SCARA5: variants seen among roughly 807,000 people sequenced by gnomAD.
The protein encoded by SCARA5 is scavenger receptor class A, member 5 (putative).
Under a neutral mutation model 46.3 loss-of-function variants are expected in SCARA5, and 45 were observed. The ratio of observed to expected loss-of-function variants is 0.97; its 90% CI spans 0.76 to 1.24. SCARA5 has a LOEUF of 1.24. SCARA5 is among the 50% of genes most tolerant of loss of function. The pLI, the probability that SCARA5 is intolerant of heterozygous loss-of-function variation, is 0.00. For missense variants in SCARA5, 680 were observed against 689.0 expected, an observed-to-expected ratio of 0.99 and a Z score of 0.15; for synonymous variants, 333 against 306.5, an observed-to-expected ratio of 1.09 and a Z score of -0.90.
intron 7 of SCARA5, among the ~76,000 whole-genome samples, chr8:27,884,964 G>A (rs1806870232): frequency 6.6e-6 from 1 of 152,138 alleles, no homozygotes; most frequent in East Asian, 1.9e-4. Context: ...GTGAGGGCAG[G>A]CGCCATCTTG....
intron 1 of SCARA5, among the ~76,000 whole-genome samples, chr8:27,990,565 G>C (rs1295010986): frequency 6.6e-6 from 1 of 152,194 alleles, no homozygotes; most frequent in Non-Finnish European, 1.5e-5. Flanking sequence ...ATGGATATCA[G>C]AGCGGGAAGA....
intron 3 of SCARA5, among the ~76,000 whole-genome samples, chr8:27,958,433 T>G (rs1036271405): frequency 1.3e-5 from 2 of 152,088 alleles, no homozygotes; most frequent in East Asian, 3.9e-4. Flanking sequence ...GCAGTCTGAG[T>G]CTAAGGAAGA....
intron 4 of SCARA5, among the ~76,000 whole-genome samples, chr8:27,920,404 G>A (rs571195080): frequency 6.6e-6 from 1 of 152,194 alleles, no homozygotes; most frequent in Admixed American, 6.5e-5. Context: ...CCTGAGGTCA[G>A]GAGTTCGAGA....
chr8:27,946,398 C>A (rs1179625259), intron 3 of SCARA5, among the ~76,000 whole-genome samples: 1 of 152,220 alleles, frequency 6.6e-6, no homozygotes, highest in Middle Eastern at 3.2e-3. Flanking sequence ...CACAGAAAAT[C>A]CTCAGATGCT....
chr8:27,898,081 G>A (rs916091995), intron 7 of SCARA5, among the ~76,000 whole-genome samples: 1 of 152,204 alleles, frequency 6.6e-6, no homozygotes, highest in African/African-American at 2.4e-5. Flanking sequence ...GTAATACAAC[G>A]AGCTCAGCTG....
chr8:27,952,056 A>AAAC (rs33969046), intron 3 of SCARA5, among the ~76,000 whole-genome samples: 148,457 of 152,080 alleles, frequency 0.98, 72,493 homozygotes, highest in East Asian at 1. Context: ...TGGGTTGGGG[A>AAAC]CCAATATGAT....
chr8:27,895,403 G>C (rs1663684647), intron 7 of SCARA5, among the ~76,000 whole-genome samples: 1 of 152,252 alleles, frequency 6.6e-6, no homozygotes, highest in Admixed American at 6.5e-5. Context: ...AGAACTTTCT[G>C]ATCAGGCTGT....
intron 2 of SCARA5, among the ~76,000 whole-genome samples, chr8:27,970,785 C>T (rs1023755314): frequency 6.6e-6 from 1 of 152,118 alleles, no homozygotes; most frequent in African/African-American, 2.4e-5. Context: ...AAGCCTGAGC[C>T]AGGACTACTC....
chr8:27,968,622 G>C (rs559809075), intron 2 of SCARA5, among the ~76,000 whole-genome samples: 19 of 152,276 alleles, frequency 1.2e-4, no homozygotes, highest in African/African-American at 4.6e-4. Flanking sequence ...GTATAGCATT[G>C]AATAATATTA....
intron 3 of SCARA5, among the ~76,000 whole-genome samples, chr8:27,953,970 G>T (rs1256141563): frequency 6.6e-6 from 1 of 152,188 alleles, no homozygotes; most frequent in Non-Finnish European, 1.5e-5. Flanking sequence ...AAGGATTCCT[G>T]GGGGATTGGA....
At chr8:27,978,187 C>G (rs1052882857) in intron 2 of SCARA5, among the ~76,000 whole-genome samples, 1 of 132,222 alleles carries the variant, frequency 7.6e-6, no homozygotes, top group African/African-American at 2.8e-5. Context: ...CCACCACATC[C>G]GGCTAATTTT....
In SCARA5 at chr8:27,989,103, C is replaced by CT. The variant is rs1156373975; in HGVS notation, c.-15-1474dup. ...ACAAGAATTCCGTATTTTCTTTCTT[C>CT]TTTTTTTTTTTCTGTTTCTTTCTTT... On this transcript the variant is annotated intron_variant, in intron 1 of 8. Coordinates refer to ENST00000354914, the MANE Select transcript of SCARA5 (RefSeq NM_173833.6). Among the ~76,000 whole-genome samples, 714 of 101,708 alleles carry CT rather than the reference C, an allele frequency of 7.0e-3. 2 individuals carry two copies. Among genetic ancestry groups the CT allele is most frequent in the African/African-American group, 8.0e-3 (225 of 28,100 alleles). 66.7% of individuals were successfully genotyped at this position (101,708 alleles called of 152,430 possible).
chr8:27,969,187 G>C (rs917849087), intron 2 of SCARA5, among the ~76,000 whole-genome samples: 8 of 152,106 alleles, frequency 5.3e-5, no homozygotes, highest in African/African-American at 1.9e-4. Context: ...TTTTTTCCAA[G>C]TGGCAGAAGC....
At chr8:27,937,904 A>G (rs1197004133) in intron 3 of SCARA5, among the ~76,000 whole-genome samples, 1 of 151,932 alleles carries the variant, frequency 6.6e-6, no homozygotes, top group East Asian at 1.9e-4. Context: ...TCACTTAGTC[A>G]CCTCTTTAAA....
At chr8:27,894,860 T>C (rs1475655178) in intron 7 of SCARA5, among the ~76,000 whole-genome samples, 3 of 152,192 alleles carry the variant, frequency 2.0e-5, no homozygotes, top group Non-Finnish European at 4.4e-5. Flanking sequence ...GCCTGCACGT[T>C]CCAGTGCTCA....
intron 2 of SCARA5, among the ~76,000 whole-genome samples, chr8:27,978,193 A>AC (rs1808557739): frequency 7.2e-6 from 1 of 137,946 alleles, no homozygotes; most frequent in African/African-American, 2.7e-5. Context: ...CATCCGGCTA[A>AC]TTTTTTTTTT....
chr8:27,978,585 C>T (rs1251226000), intron 2 of SCARA5, among the ~76,000 whole-genome samples: 2 of 152,022 alleles, frequency 1.3e-5, no homozygotes, highest in Non-Finnish European at 2.9e-5. Flanking sequence ...GATCACAGCT[C>T]ACTGCAGCCT....
chr8:27,888,682 T>C (rs1585465738), intron 7 of SCARA5, among the ~76,000 whole-genome samples: 1 of 152,346 alleles, frequency 6.6e-6, no homozygotes, highest in East Asian at 1.9e-4. Context: ...GGCTTTACCA[T>C]GCCAGGCAAG....
intron 7 of SCARA5, among the ~76,000 whole-genome samples, chr8:27,894,850 G>A (rs1190999056): frequency 6.6e-6 from 1 of 152,214 alleles, no homozygotes; most frequent in East Asian, 1.9e-4. Flanking sequence ...CAAACAGAGA[G>A]CCTGCACGTT....
Sources: gnomAD v4.1 joint callset for allele counts (sites outside exome capture counted in the v4.1 genomes callset) on GRCh38, gnomAD v4.1.1 for gene constraint, MANE v1.5 for transcripts, NCBI Gene and HGNC (gene_info 2026-07-23, HGNC 2026-07-21) for gene names.